AUH: variants seen among roughly 807,000 people sequenced by gnomAD.
AUH encodes the protein AU RNA binding methylglutaconyl-CoA hydratase.
AUH carries 29 observed loss-of-function variants against 42.3 expected under a neutral mutation model. The observed-to-expected ratio is 0.69, with a 90% CI of 0.51 to 0.93. The LOEUF is 0.93. Among genes scored for constraint, AUH ranks in the 40% least tolerant of loss-of-function variants. The pLI is 0.00. For synonymous variants in AUH, 174 were observed against 166.4 expected, an observed-to-expected ratio of 1.05 and a Z score of -0.35; for missense variants, 452 against 438.1, an observed-to-expected ratio of 1.03 and a Z score of -0.28.
chr9:91,322,463 C>G (rs1829656342), intron 4 of AUH, among the ~76,000 whole-genome samples: 1 of 152,108 alleles, frequency 6.6e-6, no homozygotes, highest in Non-Finnish European at 1.5e-5. Context: ...AAAACAATAC[C>G]AGCACAGAAT....
chr9:91,284,552 GCAAT>G (rs2131585323), intron 6 of AUH, among the ~76,000 whole-genome samples: 1 of 152,212 alleles, frequency 6.6e-6, no homozygotes, highest in South Asian at 2.1e-4. Context: ...GAAAATTTTT[GCAAT>G]CTACTCATCT....
intron 6 of AUH, among the ~76,000 whole-genome samples, chr9:91,250,785 AC>A (rs1829082888): frequency 6.6e-6 from 1 of 152,190 alleles, no homozygotes; most frequent in Non-Finnish European, 1.5e-5. Flanking sequence ...CCGTCTTTTG[AC>A]GGCAGAGAGT....
At chr9:91,342,629 G>T (rs945352588) in intron 3 of AUH, 1 of 152,142 alleles carries the variant, frequency 6.6e-6, no homozygotes, top group Non-Finnish European at 1.5e-5. Context: ...AATCTCTACA[G>T]ATCCTAAAAT....
chr9:91,292,044 A>G (rs1027038363), intron 6 of AUH, among the ~76,000 whole-genome samples: 1 of 152,148 alleles, frequency 6.6e-6, no homozygotes, highest in Non-Finnish European at 1.5e-5. Context: ...AATTCTCTGA[A>G]TCAAAAGACC....
At chr9:91,271,186 G>A (rs538189115) in intron 6 of AUH, among the ~76,000 whole-genome samples, 4 of 152,180 alleles carry the variant, frequency 2.6e-5, no homozygotes, top group African/African-American at 7.2e-5. Context: ...TGCTAGAAAC[G>A]AAGCAAAAGA....
At chr9:91,260,765 G>C (rs1829666407) in intron 6 of AUH, among the ~76,000 whole-genome samples, 1 of 152,104 alleles carries the variant, frequency 6.6e-6, no homozygotes, top group Non-Finnish European at 1.5e-5. Context: ...TTGATAATAT[G>C]TATATACAAT....
At chr9:91,246,337 G>A (rs1263243640) in intron 6 of AUH, among the ~76,000 whole-genome samples, 4 of 152,174 alleles carry the variant, frequency 2.6e-5, no homozygotes, top group African/African-American at 9.7e-5. Context: ...AGACAGGCCA[G>A]CCTCCCCACT....
At chr9:91,357,996 C>T (rs1035409568) in intron 1 of AUH, among the ~76,000 whole-genome samples, 3 of 152,062 alleles carry the variant, frequency 2.0e-5, no homozygotes. Context: ...GAGATCATAC[C>T]AGAAGTAGAC....
At chr9:91,275,347 C>T (rs1825458244) in intron 6 of AUH, among the ~76,000 whole-genome samples, 1 of 152,168 alleles carries the variant, frequency 6.6e-6, no homozygotes, top group African/African-American at 2.4e-5. Flanking sequence ...CTTTTTGAAA[C>T]ACTGATGTGA....
intron 6 of AUH, among the ~76,000 whole-genome samples, chr9:91,245,504 C>T (rs1285005842): frequency 6.6e-6 from 1 of 152,106 alleles, no homozygotes. Context: ...TCACTAATCA[C>T]CCCCAACAAT....
At chr9:91,220,723 A>T in intron 7 of AUH, 82 bp downstream of exon 7, 6 of 1,493,614 alleles carry the variant, frequency 4.0e-6, no homozygotes, top group Non-Finnish European at 5.5e-6. Flanking sequence ...CTTCTTCCAT[A>T]GGCAAGATGA....
chr9:91,348,936 GACA>G (rs896156090), intron 3 of AUH, among the ~76,000 whole-genome samples: 1 of 151,850 alleles, frequency 6.6e-6, no homozygotes, highest in Non-Finnish European at 1.5e-5. Flanking sequence ...AACAATATAT[GACA>G]ACAACAAAAA....
chr9:91,298,994 G>A (rs1368429765), intron 4 of AUH, among the ~76,000 whole-genome samples: 1 of 152,130 alleles, frequency 6.6e-6, no homozygotes, highest in Non-Finnish European at 1.5e-5. Context: ...CGAGGTGGGA[G>A]GATCACCTGA....
rs1250538276 is a variant in AUH, at chr9:91,332,223, T to C, written c.419-6819A>G. ...AAAACATACCGCATTTAAAACAAGCTGGGCGCGGTGGCTCACGCCTGGAAT... is the reference window on the plus strand; with the variant it reads ...AAAACATACCGCATTTAAAACAAGCCGGGCGCGGTGGCTCACGCCTGGAAT... On this transcript the variant is annotated intron_variant, in intron 3 of 9. Coordinates refer to ENST00000375731, the MANE Select transcript of AUH (RefSeq NM_001698.3). 2.0e-5 allele frequency among the ~76,000 whole-genome samples: 3 copies of C among 152,314 alleles called. No individual in the cohort carries two copies. The East Asian group carries it at 5.8e-4, about 29-fold the overall frequency.
At chr9:91,242,937 C>G (rs1262302581) in intron 6 of AUH, among the ~76,000 whole-genome samples, 1 of 152,106 alleles carries the variant, frequency 6.6e-6, no homozygotes, top group African/African-American at 2.4e-5. Flanking sequence ...AAGTAGGGCA[C>G]ATGATGAAAA....
intron 6 of AUH, among the ~76,000 whole-genome samples, chr9:91,259,442 A>T (rs1292767847): frequency 2.2e-4 from 33 of 150,894 alleles, no homozygotes; most frequent in Admixed American, 4.0e-4. Flanking sequence ...TTTTTTTTTT[A>T]AACATTTTCA....
At chr9:91,331,058 G>A (rs942800869) in intron 3 of AUH, among the ~76,000 whole-genome samples, 7 of 151,828 alleles carry the variant, frequency 4.6e-5, no homozygotes, top group African/African-American at 7.3e-5. Context: ...GATTCCATAC[G>A]CCCTACCCCC....
intron 6 of AUH, among the ~76,000 whole-genome samples, chr9:91,294,996 T>C (rs968544512): frequency 2.0e-5 from 3 of 152,166 alleles, no homozygotes; most frequent in African/African-American, 7.2e-5. Flanking sequence ...GTGGGAGGGA[T>C]ATGGTGAGAG....
At chr9:91,281,812 T>A (rs1338477280) in intron 6 of AUH, among the ~76,000 whole-genome samples, 1 of 152,054 alleles carries the variant, frequency 6.6e-6, no homozygotes, top group African/African-American at 2.4e-5. Flanking sequence ...ACCATTCCCA[T>A]CCCAGTAGAG....
Sources: gnomAD v4.1 joint callset for allele counts (sites outside exome capture counted in the v4.1 genomes callset) on GRCh38, gnomAD v4.1.1 for gene constraint, MANE v1.5 for transcripts, NCBI Gene and HGNC (gene_info 2026-07-23, HGNC 2026-07-21) for gene names.